LIMA1: variants seen among roughly 807,000 people sequenced by gnomAD.
The protein encoded by LIMA1 is LIM domain and actin-binding protein 1.
LIMA1 carries 52 observed loss-of-function variants against 62.6 expected under a neutral mutation model. The observed-to-expected ratio is 0.83, with a 90% CI of 0.67 to 1.05. The LOEUF is 1.05. Among genes scored for constraint, LIMA1 ranks in the 50% least tolerant of loss-of-function variants. The probability of loss-of-function intolerance (pLI) is 0.00; values close to 1 mark genes in which losing one functional copy is unlikely to be tolerated. For missense variants in LIMA1, 780 were observed against 902.2 expected (o/e 0.86, Z 1.74); for synonymous variants, 302 against 317.8 (o/e 0.95, Z 0.53).
rs1174800774 is a variant in LIMA1 at position 50,182,002 on chromosome 12, T to A, written c.1176A>T (p.Glu392Asp). 6.8e-6 allele frequency: 11 copies of A among 1,613,124 alleles called. No individual in the cohort carries two copies. The highest frequency in any genetic ancestry group is 9.3e-6 in the Non-Finnish European group (11 of 1,180,036). Residue 392 changes from glutamate to aspartate, a missense_variant, in exon 10 of 11, where the codon GAA (glutamate) becomes GAT (aspartate). Physicochemically the swap from Glu to Asp is conservative, Grantham distance 45. Transcript: ENST00000341247. ...CCATTGGATAGACTGTCTTCTGACA[T>A]TCCACGCAGGTCTCTCTTGCAGGTG... Reference protein sequence around the residue: ...FQAPARETCVECQKTVYPMER... With the variant: ...FQAPARETCVDCQKTVYPMER...
chr12:50,248,492 C>T (rs1941882151), intron 2 of LIMA1, 141 bp downstream of exon 2: 5 of 595,418 alleles, frequency 8.4e-6, no homozygotes, highest in African/African-American at 1.9e-5. Context: ...TCCTTCTCCA[C>T]AGTACCTCAT....
rs1174822477 is a variant in LIMA1, at chr12:50,180,314, AAAAG to A, written c.1274+1586_1274+1589del. 2.5e-4 allele frequency among the ~76,000 whole-genome samples: 37 copies of A among 149,432 alleles called. 1 individual carries two copies. Among genetic ancestry groups the A allele is most frequent in the Admixed American group, 2.0e-3 (30 of 14,992 alleles). On this transcript the variant is annotated intron_variant, in intron 10 of 10. Coordinates refer to ENST00000341247, the MANE Select transcript of LIMA1 (RefSeq NM_016357.5). Reference sequence around the variant, plus strand: ...GACTCCATCTCCGGAAAAAAAAAAAAAAAGAAAGAAATTAGCTGGGCGTGGTGGT... The same window carrying A: ...GACTCCATCTCCGGAAAAAAAAAAAAAAAGAAATTAGCTGGGCGTGGTGGT...
At chr12:50,237,317 G>A (rs1277408172) in intron 2 of LIMA1, among the ~76,000 whole-genome samples, 2 of 152,184 alleles carry the variant, frequency 1.3e-5, no homozygotes, top group African/African-American at 2.4e-5. Context: ...TAATATGAAT[G>A]TACTTAATGC....
At chr12:50,242,234 A>C (rs1264501679) in intron 2 of LIMA1, among the ~76,000 whole-genome samples, 1 of 152,096 alleles carries the variant, frequency 6.6e-6, no homozygotes, top group African/African-American at 2.4e-5. Context: ...TTTCTTCTGG[A>C]AAAATTTCAC....
chr12:50,213,300 G>A (rs1271379542), intron 4 of LIMA1, among the ~76,000 whole-genome samples: 1 of 152,162 alleles, frequency 6.6e-6, no homozygotes, highest in East Asian at 1.9e-4. Flanking sequence ...ATTTTTGCCA[G>A]TTTCCTTAGA....
At chr12:50,277,228 T>G (rs1352821124) in intron 1 of LIMA1, among the ~76,000 whole-genome samples, 1 of 152,096 alleles carries the variant, frequency 6.6e-6, no homozygotes, top group Non-Finnish European at 1.5e-5. Context: ...TTTTTTTCTT[T>G]TCTTCCCCCA....
intron 3 of LIMA1, among the ~76,000 whole-genome samples, chr12:50,228,712 C>T (rs1421301546): frequency 1.3e-5 from 2 of 152,308 alleles, no homozygotes; most frequent in East Asian, 3.9e-4. Context: ...ATCCAAGTTC[C>T]TACTGACATT....
chr12:50,241,484 A>T (rs79581456), intron 2 of LIMA1, among the ~76,000 whole-genome samples: 46 of 151,724 alleles, frequency 3.0e-4, no homozygotes, highest in African/African-American at 4.6e-4. Flanking sequence ...AACATAGATT[A>T]AAAAAAAATC....
chr12:50,276,275 T>G (rs1191529848), intron 1 of LIMA1, among the ~76,000 whole-genome samples: 2 of 152,074 alleles, frequency 1.3e-5, no homozygotes, highest in Non-Finnish European at 2.9e-5. Flanking sequence ...TGGAGAAAAG[T>G]ATTAAAGTGG....
At chr12:50,225,806 A>C (rs962359484) in intron 3 of LIMA1, among the ~76,000 whole-genome samples, 1 of 152,184 alleles carries the variant, frequency 6.6e-6, no homozygotes, top group African/African-American at 2.4e-5. Flanking sequence ...GGCCTCCCAA[A>C]GTGCTGGGAT....
At chr12:50,231,731 G>T (rs930068507) in intron 2 of LIMA1, 21 bp from the exon 3 acceptor site, 4 of 1,605,910 alleles carry the variant, frequency 2.5e-6, no homozygotes, top group East Asian at 2.2e-5. Context: ...GGGAAGGAAA[G>T]AATGTCTCAA....
At chr12:50,278,379 G>GC (rs1942299913) in intron 1 of LIMA1, among the ~76,000 whole-genome samples, 1 of 152,248 alleles carries the variant, frequency 6.6e-6, no homozygotes, top group South Asian at 2.1e-4. Context: ...CAGAGATCGT[G>GC]CCACTGCACT....
At chr12:50,274,438 G>T (rs1942251571) in intron 1 of LIMA1, among the ~76,000 whole-genome samples, 1 of 152,098 alleles carries the variant, frequency 6.6e-6, no homozygotes, top group Non-Finnish European at 1.5e-5. Flanking sequence ...AAAAAATTTA[G>T]CTGGGTGTGG....
intron 7 of LIMA1, among the ~76,000 whole-genome samples, chr12:50,200,115 G>A (rs192949211): frequency 1.2e-4 from 18 of 152,012 alleles, no homozygotes; most frequent in East Asian, 1.2e-3. Context: ...GGCTTGTCTC[G>A]AACTCTCGAC....
chr12:50,200,855 G>C lies in LIMA1; in HGVS notation c.894C>G (p.Ile298Met). 2 of 1,613,936 alleles carry C rather than the reference G, an allele frequency of 1.2e-6. No homozygotes were observed. The highest frequency in any genetic ancestry group is 2.2e-5 in the South Asian group (2 of 91,062). ...CCTTTTGCTCCATTTTATGAATTTTGATTTCGCCACCACTGGCTTTCAGCT... is the reference window on the plus strand; with the variant it reads ...CCTTTTGCTCCATTTTATGAATTTTCATTTCGCCACCACTGGCTTTCAGCT... ...TNELKASGGE[I>M]KIHKMEQKEN... is the part of the protein sequence containing the mutation. Residue 298 changes from isoleucine (I) to methionine (M), a missense_variant, in exon 7 of 11, where the codon ATC becomes ATG. Ile to Met is a conservative substitution (Grantham distance 10). Coordinates refer to ENST00000341247, the MANE Select transcript of LIMA1 (RefSeq NM_016357.5).
chr12:50,248,138 T>C (rs1381629174), intron 2 of LIMA1, among the ~76,000 whole-genome samples: 1 of 138,644 alleles, frequency 7.2e-6, no homozygotes, highest in Non-Finnish European at 1.6e-5. Flanking sequence ...AAATGTTATT[T>C]AATTTTAATT....
chr12:50,197,935 C>G (rs1940966034), intron 7 of LIMA1, among the ~76,000 whole-genome samples: 1 of 151,844 alleles, frequency 6.6e-6, no homozygotes, highest in African/African-American at 2.4e-5. Flanking sequence ...TCACTTAATA[C>G]ATGGCATGTG....
At chr12:50,251,464 T>C (rs1941929396) in intron 1 of LIMA1, among the ~76,000 whole-genome samples, 1 of 151,628 alleles carries the variant, frequency 6.6e-6, no homozygotes, top group African/African-American at 2.4e-5. Context: ...CTACTAAAAA[T>C]ACAAAAATTA....
intron 2 of LIMA1, among the ~76,000 whole-genome samples, chr12:50,241,930 C>T (rs1452969163): frequency 2.9e-5 from 3 of 102,276 alleles, no homozygotes; most frequent in African/African-American, 1.0e-4. Context: ...CTTTCCTTCC[C>T]AGATTTTTTT....
Sources: allele counts gnomAD v4.1 joint callset (sites outside exome capture counted in the v4.1 genomes callset), GRCh38; gene constraint gnomAD v4.1.1; transcripts MANE v1.5; gene names NCBI Gene and HGNC (gene_info 2026-07-23, HGNC 2026-07-21).